The following OSBPL10 variants were observed in gnomAD, a reference collection of about 807,000 sequenced individuals.
The protein encoded by OSBPL10 is oxysterol binding protein like 10.
A neutral mutation model predicts 81.7 loss-of-function variants in OSBPL10; 49 were observed. The ratio of observed to expected loss-of-function variants is 0.60; its 90% CI spans 0.48 to 0.76. OSBPL10 has a LOEUF of 0.76. Ranked by LOEUF, OSBPL10 falls within the 30% of genes least tolerant of loss-of-function variation. OSBPL10 has a pLI of 0.00. For missense variants in OSBPL10, 923 were observed against 987.8 expected (o/e 0.93, Z 0.88); for synonymous variants, 419 against 383.6 (o/e 1.09, Z -1.08).
At chr3:31,908,117 CA>C (rs1229588670) in intron 1 of OSBPL10, among the ~76,000 whole-genome samples, 3 of 152,072 alleles carry the variant, frequency 2.0e-5, no homozygotes, top group African/African-American at 7.2e-5. Flanking sequence ...GAGGTGGGAG[CA>C]GGCTTGGTGT....
intron 6 of OSBPL10, among the ~76,000 whole-genome samples, chr3:31,703,146 T>C (rs1168956129): frequency 6.6e-6 from 1 of 152,232 alleles, no homozygotes; most frequent in African/African-American, 2.4e-5. Context: ...GATGCAAGTT[T>C]ATTAATTCAA....
At chr3:31,925,970 C>T (rs1697062060) in intron 1 of OSBPL10, among the ~76,000 whole-genome samples, 1 of 152,124 alleles carries the variant, frequency 6.6e-6, no homozygotes, top group Non-Finnish European at 1.5e-5. Flanking sequence ...TCCATCGAGA[C>T]CCAGGTCAAG....
chr3:31,790,868 T>C (rs192011515), intron 4 of OSBPL10, among the ~76,000 whole-genome samples: 100 of 152,356 alleles, frequency 6.6e-4, no homozygotes, highest in African/African-American at 2.2e-3. Flanking sequence ...ACTGCATATG[T>C]GTCGGAAAGC....
At chr3:31,898,094 A>C (rs929430011) in intron 1 of OSBPL10, among the ~76,000 whole-genome samples, 1 of 151,504 alleles carries the variant, frequency 6.6e-6, no homozygotes, top group African/African-American at 2.4e-5. Context: ...AAATATTGGA[A>C]TCTTTAGTCT....
chr3:31,897,203 G>A (rs1314620738), intron 1 of OSBPL10, among the ~76,000 whole-genome samples: 2 of 152,160 alleles, frequency 1.3e-5, no homozygotes, highest in Non-Finnish European at 2.9e-5. Flanking sequence ...TACTGGAAAT[G>A]CAAGTAGAAA....
intron 3 of OSBPL10, among the ~76,000 whole-genome samples, chr3:31,830,834 A>G (rs1439255615): frequency 6.6e-6 from 1 of 152,224 alleles, no homozygotes; most frequent in Non-Finnish European, 1.5e-5. Context: ...TAAGCTGTCC[A>G]CCAAGTATTC....
Position 31,736,926 on chromosome 3 carries a change from A to G in OSBPL10, c.941-3515T>C, listed in dbSNP as rs117298320. ...CAAAACACTAGGGGGAAGAAAAGAG[A>G]TCTACTTGCCTAGGCAATCAGGACA... On this transcript the variant is annotated intron_variant, in intron 5 of 11. Transcript: ENST00000396556. 2.8e-4 allele frequency among the ~76,000 whole-genome samples: 42 copies of G among 152,258 alleles called. 1 individual carries two copies. In the East Asian group the frequency reaches 5.2e-3, roughly 19 times the overall value.
intron 4 of OSBPL10, among the ~76,000 whole-genome samples, chr3:31,812,870 G>A (rs1699745728): frequency 6.6e-6 from 1 of 151,734 alleles, no homozygotes; most frequent in Non-Finnish European, 1.5e-5. Context: ...TAACATGTGA[G>A]AAGGACAATT....
intron 1 of OSBPL10, among the ~76,000 whole-genome samples, chr3:31,949,917 C>G (rs1023230648): frequency 6.6e-6 from 1 of 152,070 alleles, no homozygotes; most frequent in East Asian, 1.9e-4. Flanking sequence ...CTAGAAGCTG[C>G]TCTCAATGAA....
intron 1 of OSBPL10, among the ~76,000 whole-genome samples, chr3:31,941,496 CCAAA>C (rs1697535219): frequency 6.6e-6 from 1 of 152,142 alleles, no homozygotes; most frequent in Non-Finnish European, 1.5e-5. Flanking sequence ...CAGCTAGGAG[CCAAA>C]CAATGATTTG....
chr3:31,900,411 ACCCTTGGT>A (rs1359034205), intron 1 of OSBPL10, among the ~76,000 whole-genome samples: 1 of 151,878 alleles, frequency 6.6e-6, no homozygotes, highest in Non-Finnish European at 1.5e-5. Context: ...AAAAGCTCCA[ACCCTTGGT>A]CCCTTGGCTG....
intron 2 of OSBPL10, among the ~76,000 whole-genome samples, chr3:31,987,063 T>C (rs1435888018): frequency 2.3e-4 from 35 of 152,026 alleles, no homozygotes; most frequent in Admixed American, 2.3e-3. Context: ...TTTATAAATA[T>C]ATATGTGTAT....
At chr3:31,728,680 A>T (rs1239468837) in intron 6 of OSBPL10, among the ~76,000 whole-genome samples, 1 of 152,198 alleles carries the variant, frequency 6.6e-6, no homozygotes, top group African/African-American at 2.4e-5. Context: ...TATATATGAC[A>T]TTCCGGGAAA....
rs1482215145 is a variant in OSBPL10, at chr3:31,664,092, T to C, written c.2237A>G (p.Tyr746Cys). ...ENLRTPWKPK[Y>C]FIQEGDGWVY... ...CGGCAGAGTTACCTCCTGGATAAAA[T>C]ATTTGGGCTTCCATGGTGTGCGGAG... Residue 746 changes from tyrosine to cysteine, a missense_variant, in exon 11 of 12, where the codon TAT becomes TGT. This residue lies in a region of OSBPL10 where 387 missense variants were observed against 436.3 expected (regional missense o/e 0.89). Coordinates refer to ENST00000396556, the MANE Select transcript of OSBPL10 (RefSeq NM_017784.5). 1.7e-5 allele frequency: 27 copies of C among 1,613,862 alleles called. No individual in the cohort carries two copies. The highest frequency in any genetic ancestry group is 2.1e-5 in the Non-Finnish European group (25 of 1,180,016).
Position 31,833,737 on chromosome 3 carries a change from A to ACACACACACACT in OSBPL10, c.538-3507_538-3506insAGTGTGTGTGTG, listed in dbSNP as rs1491340793. On this transcript the variant is annotated intron_variant, in intron 3 of 11. Transcript: ENST00000396556. ...CACACACACACACACACACACACAC[A>ACACACACACACT]CTCTCTCTCTCTTCTAATTCTGAGT... 1.6e-4 allele frequency among the ~76,000 whole-genome samples: 23 copies of ACACACACACACT among 139,928 alleles called. No individual in the cohort carries two copies. In the East Asian group the frequency reaches 2.1e-3, roughly 13 times the overall value. The allele number at this position is 139,928 out of a possible 152,430, so 91.8% of individuals were successfully genotyped here.
At chr3:31,986,841 A>G (rs1698940051) in intron 2 of OSBPL10, among the ~76,000 whole-genome samples, 1 of 151,946 alleles carries the variant, frequency 6.6e-6, no homozygotes, top group Admixed American at 6.6e-5. Context: ...TCCATCTCCA[A>G]AAAAATTTTT....
intron 2 of OSBPL10, among the ~76,000 whole-genome samples, chr3:32,004,810 G>C (rs1487666739): frequency 6.6e-6 from 1 of 152,172 alleles, no homozygotes; most frequent in Non-Finnish European, 1.5e-5. Flanking sequence ...CCATGTTTTA[G>C]ACCAAAGAAA....
At position 31,809,044 on chromosome 3, in the gene OSBPL10, G is replaced by A. The variant is rs565097711; in HGVS notation, c.729+20996C>T. Among the ~76,000 whole-genome samples the A allele has an allele frequency of 4.6e-5, 7 of 152,188 alleles. No homozygotes were observed. In the South Asian group the frequency reaches 1.2e-3, roughly 27 times the overall value. ...AACAAAGCATTTTCAGCAAAAGTAA[G>A]ACTAAGCCAAGAATAATCACAACCG... On this transcript the variant is annotated intron_variant, in intron 4 of 11. Coordinates refer to ENST00000396556, the MANE Select transcript of OSBPL10 (RefSeq NM_017784.5).
chr3:31,825,533 G>A (rs1304021184), intron 4 of OSBPL10, among the ~76,000 whole-genome samples: 2 of 152,132 alleles, frequency 1.3e-5, no homozygotes, highest in East Asian at 3.9e-4. Context: ...GCCAGGGCTG[G>A]TCTTGAACTC....
Sources: gnomAD v4.1 joint callset for allele counts (sites outside exome capture counted in the v4.1 genomes callset) on GRCh38, gnomAD v4.1.1 for gene constraint, gnomAD v4.1.1 regional missense constraint, MANE v1.5 for transcripts, NCBI Gene and HGNC (gene_info 2026-07-23, HGNC 2026-07-21) for gene names.